The following SIK2 variants were observed in gnomAD, a reference collection of about 807,000 sequenced individuals.
The protein encoded by SIK2 is serine/threonine-protein kinase SIK2.
In SIK2, 29 loss-of-function variants were observed where a neutral mutation model predicts 103.2. That is an observed-to-expected ratio of 0.28 (90% confidence interval 0.21 to 0.38). SIK2 has a LOEUF of 0.38. Among genes scored for constraint, SIK2 ranks in the 10% least tolerant of loss-of-function variants. SIK2 has a pLI of 1.00. For synonymous variants in SIK2, 412 were observed against 446.1 expected (o/e 0.92, Z 0.96); for missense variants, 879 against 1,171.0 (o/e 0.75, Z 3.64).
chr11:111,714,270 A>T (rs1300439405), intron 9 of SIK2, among the ~76,000 whole-genome samples: 1 of 152,198 alleles, frequency 6.6e-6, no homozygotes, highest in Non-Finnish European at 1.5e-5. Context: ...AAGATGGAGG[A>T]GGTTAGCATT....
intron 3 of SIK2, among the ~76,000 whole-genome samples, chr11:111,631,388 C>T (rs900536356): frequency 2.0e-5 from 3 of 152,122 alleles, no homozygotes; most frequent in Non-Finnish European, 2.9e-5. Flanking sequence ...AGACTCACAT[C>T]AGCAGTGCTT....
At chr11:111,610,505 A>G (rs1029572909) in intron 1 of SIK2, among the ~76,000 whole-genome samples, 1 of 151,284 alleles carries the variant, frequency 6.6e-6, no homozygotes, top group Non-Finnish European at 1.5e-5. Context: ...AAAAAAAAAG[A>G]TAACAAACAG....
chr11:111,657,998 A>G (rs1942415461), intron 3 of SIK2, among the ~76,000 whole-genome samples: 2 of 152,122 alleles, frequency 1.3e-5, no homozygotes, highest in Admixed American at 1.3e-4. Flanking sequence ...GGCGTGGAAG[A>G]GCTATTAAGA....
At chr11:111,635,966 T>C (rs980598378) in intron 3 of SIK2, among the ~76,000 whole-genome samples, 1 of 152,242 alleles carries the variant, frequency 6.6e-6, no homozygotes, top group Non-Finnish European at 1.5e-5. Flanking sequence ...ATTTTGGCAG[T>C]CTGTGTTTCA....
Position 111,727,208 on chromosome 11 carries a change from C to T in SIK2, c.*3079C>T. 1.5e-6 allele frequency: 1 copy of T among 662,790 alleles called. No homozygotes were observed. The highest frequency in any genetic ancestry group is 2.7e-5 in the East Asian group (1 of 36,840). The allele number at this position is 662,790 out of a possible 1,614,324, so 41.1% of individuals were successfully genotyped here. A position where few individuals can be genotyped will look rare whatever the true frequency, so the allele number is the denominator to read the frequency against. On this transcript the variant is annotated 3_prime_UTR_variant, in exon 15 of 15. Transcript: ENST00000304987. Reference sequence around the variant, plus strand: ...AAAAGGAGGCTGATGGTTCTCTACACCATCCACCTTGAGAATCCCTGCGTG... The same window carrying T: ...AAAAGGAGGCTGATGGTTCTCTACATCATCCACCTTGAGAATCCCTGCGTG...
chr11:111,681,145 C>A (rs558901851), intron 3 of SIK2, among the ~76,000 whole-genome samples: 3 of 152,160 alleles, frequency 2.0e-5, no homozygotes, highest in Non-Finnish European at 2.9e-5. Context: ...ATTATTCTTA[C>A]AAAAATTCTA....
intron 9 of SIK2, among the ~76,000 whole-genome samples, chr11:111,713,094 G>A (rs1400666974): frequency 6.6e-6 from 1 of 152,124 alleles, no homozygotes; most frequent in Non-Finnish European, 1.5e-5. Flanking sequence ...GAGCCCAGGG[G>A]GCCGAGGTGG....
intron 4 of SIK2, among the ~76,000 whole-genome samples, chr11:111,692,140 C>T (rs998276526): frequency 4.6e-5 from 7 of 151,656 alleles, no homozygotes; most frequent in African/African-American, 1.7e-4. Flanking sequence ...TGCCTGAGCT[C>T]AGGAGTTCGA....
rs1262361232 is a variant in SIK2 at position 111,729,415 on chromosome 11, C to G, written c.*5286C>G. 1 of 152,278 alleles carries G rather than the reference C, an allele frequency of 6.6e-6. No homozygotes were observed. The highest frequency in any genetic ancestry group is 1.5e-5 in the Non-Finnish European group (1 of 68,060). 9.4% of individuals were successfully genotyped at this position (152,278 alleles called of 1,614,324 possible). A position where few individuals can be genotyped will look rare whatever the true frequency, so the allele number is the denominator to read the frequency against. Reference sequence around the variant, plus strand: ...TTAGTTTTACCAAGCACTTTCTCTTCTAACCCTCACAACAATTCTATGAAA... The same window carrying G: ...TTAGTTTTACCAAGCACTTTCTCTTGTAACCCTCACAACAATTCTATGAAA... On this transcript the variant is annotated 3_prime_UTR_variant, in exon 15 of 15. Coordinates refer to ENST00000304987, the MANE Select transcript of SIK2 (RefSeq NM_015191.3).
At chr11:111,672,961 T>A (rs1463750199) in intron 3 of SIK2, among the ~76,000 whole-genome samples, 2 of 152,260 alleles carry the variant, frequency 1.3e-5, no homozygotes, top group Non-Finnish European at 2.9e-5. Context: ...ACTTTGTGCA[T>A]CAGCATTACA....
intron 3 of SIK2, among the ~76,000 whole-genome samples, chr11:111,660,363 T>C (rs902385406): frequency 6.6e-6 from 1 of 152,194 alleles, no homozygotes; most frequent in Non-Finnish European, 1.5e-5. Flanking sequence ...TCTTCTAAAA[T>C]GAAAATTACT....
chr11:111,684,832 G>C (rs1565353434), intron 3 of SIK2, among the ~76,000 whole-genome samples: 2 of 152,206 alleles, frequency 1.3e-5, no homozygotes, highest in African/African-American at 2.4e-5. Flanking sequence ...CTACTATGCA[G>C]GTTCTGCAAA....
intron 1 of SIK2, among the ~76,000 whole-genome samples, chr11:111,603,773 C>A (rs971376097): frequency 6.6e-6 from 1 of 152,176 alleles, no homozygotes; most frequent in African/African-American, 2.4e-5. Context: ...GAGTTTCATC[C>A]TTTTCCTGTT....
chr11:111,708,265 C>T (rs1479939934), intron 8 of SIK2, among the ~76,000 whole-genome samples: 1 of 152,030 alleles, frequency 6.6e-6, no homozygotes, highest in African/African-American at 2.4e-5. Context: ...GCTTATAATC[C>T]CAGCTATGCG....
chr11:111,642,076 C>G (rs1204600391), intron 3 of SIK2, among the ~76,000 whole-genome samples: 1 of 152,230 alleles, frequency 6.6e-6, no homozygotes, highest in Non-Finnish European at 1.5e-5. Context: ...TTTTCCTACA[C>G]TTTTGCCATC....
At chr11:111,645,396 A>G (rs1015679782) in intron 3 of SIK2, among the ~76,000 whole-genome samples, 2 of 152,236 alleles carry the variant, frequency 1.3e-5, no homozygotes, top group Non-Finnish European at 2.9e-5. Context: ...ACTACACTCA[A>G]TGTGAATGAC....
At chr11:111,712,499 T>G (rs1020328708) in intron 9 of SIK2, 124 bp downstream of exon 9, 66 of 1,020,796 alleles carry the variant, frequency 6.5e-5, no homozygotes, top group Admixed American at 8.2e-5. Flanking sequence ...GGAGTGATGC[T>G]TTTGTGGAGA....
chr11:111,694,962 C>G (rs1943035500), intron 4 of SIK2, among the ~76,000 whole-genome samples: 1 of 152,200 alleles, frequency 6.6e-6, no homozygotes, highest in Non-Finnish European at 1.5e-5. Flanking sequence ...TCCCTTCCCT[C>G]CTGTCAGATG....
chr11:111,721,780 G>C (rs367827842), intron 12 of SIK2, 50 bp from the exon 13 acceptor site: 1 of 1,463,566 alleles, frequency 6.8e-7, no homozygotes, highest in Non-Finnish European at 9.3e-7. Context: ...GAACTGAGAC[G>C]TTTTTCCCCA....
Sources: allele counts gnomAD v4.1 joint callset (sites outside exome capture counted in the v4.1 genomes callset), GRCh38; gene constraint gnomAD v4.1.1; transcripts MANE v1.5; gene names NCBI Gene and HGNC (gene_info 2026-07-23, HGNC 2026-07-21).